The following MCC variants were observed in gnomAD, a reference collection of about 807,000 sequenced individuals.
MCC encodes colorectal mutant cancer protein.
In MCC, 90 loss-of-function variants were observed where a neutral mutation model predicts 116.2. The observed-to-expected ratio is 0.77, with a 90% CI of 0.65 to 0.92. MCC has a LOEUF of 0.92. MCC is among the 40% of genes least tolerant of loss of function. The pLI is 0.00. For missense variants in MCC, 1,516 were observed against 1,312.2 expected, an observed-to-expected ratio of 1.16 and a Z score of -2.40; for synonymous variants, 578 against 510.5, an observed-to-expected ratio of 1.13 and a Z score of -1.78.
intron 6 of MCC, among the ~76,000 whole-genome samples, chr5:113,119,368 G>A (rs1757598804): frequency 6.6e-6 from 1 of 152,198 alleles, no homozygotes; most frequent in South Asian, 2.1e-4. Flanking sequence ...TGACTCTAGA[G>A]GGGAGGGCGG....
intron 1 of MCC, 91 bp downstream of exon 1, chr5:113,488,154 G>GC: frequency 2.3e-6 from 3 of 1,309,654 alleles, no homozygotes; most frequent in Non-Finnish European, 3.0e-6. Flanking sequence ...GCAACTTGCC[G>GC]CAAGTTGGGG....
In MCC at chr5:113,024,868, CTT is replaced by C. The variant is rs1197039705; in HGVS notation, c.*2432_*2433del. On this transcript the variant is annotated 3_prime_UTR_variant, in exon 19 of 19. Transcript: ENST00000408903. ...ACAAGAAAAGGAAAAACTTTTATAG[CTT>C]TTTTATTATACATATTTATAAAAAA... is the stretch of plus-strand genomic sequence containing the variant. The C allele has an allele frequency of 7.2e-5, 11 of 152,130 alleles. No individual in the cohort carries two copies. Among genetic ancestry groups the C allele is most frequent in the African/African-American group, 2.7e-4 (11 of 41,426 alleles). The allele number at this position is 152,130 out of a possible 1,614,324, so 9.4% of individuals were successfully genotyped here.
chr5:113,037,295 G>A (rs188435141), intron 17 of MCC, among the ~76,000 whole-genome samples: 16 of 152,314 alleles, frequency 1.1e-4, no homozygotes, highest in Admixed American at 3.9e-4. Context: ...ACAGTTGGGT[G>A]GATGGTGTAT....
At chr5:113,199,401 G>C (rs889162494) in intron 3 of MCC, among the ~76,000 whole-genome samples, 3 of 152,090 alleles carry the variant, frequency 2.0e-5, no homozygotes, top group African/African-American at 7.2e-5. Context: ...AAACAATGTG[G>C]GTAGTTTATA....
At chr5:113,153,410 T>G (rs1032358746) in intron 3 of MCC, among the ~76,000 whole-genome samples, 1 of 152,106 alleles carries the variant, frequency 6.6e-6, no homozygotes, top group African/African-American at 2.4e-5. Context: ...GAGTACTTAC[T>G]TCCATCACAG....
intron 8 of MCC, among the ~76,000 whole-genome samples, chr5:113,094,197 A>T (rs149406400): frequency 1.0e-3 from 152 of 152,280 alleles, no homozygotes; most frequent in African/African-American, 3.4e-3. Flanking sequence ...TCAAATTTAC[A>T]TGGTGTTTCA....
At chr5:113,228,380 G>C (rs560087321) in intron 3 of MCC, among the ~76,000 whole-genome samples, 21 of 152,288 alleles carry the variant, frequency 1.4e-4, no homozygotes, top group South Asian at 6.2e-4. Context: ...TCAGGCAGTG[G>C]AGGGAGTGGT....
intron 11 of MCC, among the ~76,000 whole-genome samples, chr5:113,075,553 G>C (rs1395354688): frequency 4.6e-5 from 7 of 152,192 alleles, no homozygotes; most frequent in African/African-American, 1.2e-4. Flanking sequence ...GATTGTAATT[G>C]CACCAATCAG....
At chr5:113,061,156 G>T (rs1018554207) in intron 14 of MCC, among the ~76,000 whole-genome samples, 1 of 152,220 alleles carries the variant, frequency 6.6e-6, no homozygotes, top group Non-Finnish European at 1.5e-5. Context: ...GGCCACACAG[G>T]CAGCACCCTG....
intron 16 of MCC, among the ~76,000 whole-genome samples, chr5:113,044,905 C>T (rs1339495571): frequency 2.6e-5 from 4 of 152,190 alleles, no homozygotes. Flanking sequence ...ATATGAGCTA[C>T]AGAGAGGCAC....
Position 113,068,165 on chromosome 5 carries a change from G to C in MCC, c.1944C>G (p.Ala648=). 6.2e-7 allele frequency: 1 copy of C among 1,614,086 alleles called. No individual in the cohort carries two copies. The highest frequency in any genetic ancestry group is 1.3e-5 in the African/African-American group (1 of 75,028). Residue 648 remains alanine, a synonymous_variant, in exon 13 of 19, where the codon GCC becomes GCG. Transcript: ENST00000408903. Reference sequence around the variant, plus strand: ...CTGCCAGCGCCAGGAGGAGTTCGTAGGCTTCGATGCACTGCTCGCTGAAAC... The same window carrying C: ...CTGCCAGCGCCAGGAGGAGTTCGTACGCTTCGATGCACTGCTCGCTGAAAC... ...ALQYSEQCIE[A]YELLLALAES...
chr5:113,202,067 CCTT>C (rs1433522434), intron 3 of MCC, among the ~76,000 whole-genome samples: 2 of 152,172 alleles, frequency 1.3e-5, no homozygotes, highest in East Asian at 3.8e-4. Context: ...AGGCTTTCCT[CCTT>C]CCCTGAACCT....
intron 3 of MCC, among the ~76,000 whole-genome samples, chr5:113,259,540 C>T (rs983506196): frequency 2.6e-5 from 4 of 152,086 alleles, no homozygotes; most frequent in Non-Finnish European, 5.9e-5. Flanking sequence ...AAGTATTTTG[C>T]TCTTAATGTG....
At chr5:113,327,129 G>A (rs1436286080) in intron 3 of MCC, among the ~76,000 whole-genome samples, 3 of 152,058 alleles carry the variant, frequency 2.0e-5, no homozygotes, top group Admixed American at 6.6e-5. Flanking sequence ...GTGAAGGTAC[G>A]GAGAAAAGCT....
At chr5:113,058,016 G>A (rs1460061997) in intron 14 of MCC, among the ~76,000 whole-genome samples, 1 of 152,068 alleles carries the variant, frequency 6.6e-6, no homozygotes, top group African/African-American at 2.4e-5. Flanking sequence ...ACAGGGTGTG[G>A]GGTTTACTTA....
At chr5:113,063,303 T>C (rs1753350348) in intron 14 of MCC, among the ~76,000 whole-genome samples, 1 of 152,190 alleles carries the variant, frequency 6.6e-6, no homozygotes, top group Non-Finnish European at 1.5e-5. Context: ...TCCACTCCCA[T>C]CCAAAGAATG....
In MCC at chr5:113,367,671, A is replaced by G. The variant is rs192163422; in HGVS notation, c.415+17297T>C. Among the ~76,000 whole-genome samples, 36 of 149,776 alleles carry G rather than the reference A, an allele frequency of 2.4e-4. No individual in the cohort carries two copies. In the East Asian group the frequency reaches 5.9e-3, roughly 25 times the overall value. On this transcript the variant is annotated intron_variant, in intron 2 of 18. Coordinates refer to ENST00000408903, the MANE Select transcript of MCC (RefSeq NM_001085377.2). ...GAGAGAAAGAGAGAGAGAGAGAGCG[A>G]GAGAGAGAATCCCCTGACTGACTCT...
chr5:113,296,915 CA>C (rs1297167591), intron 3 of MCC, among the ~76,000 whole-genome samples: 2 of 152,024 alleles, frequency 1.3e-5, no homozygotes, highest in Non-Finnish European at 2.9e-5. Context: ...GGTGTTCAAC[CA>C]AAAGAAAAGT....
At position 113,488,386 on chromosome 5, in the gene MCC, G is replaced by C; in HGVS notation, c.29C>G (p.Ala10Gly). Residue 10 changes from alanine (A) to glycine (G), a missense_variant, in exon 1 of 19, where the codon GCG becomes GGG. Coordinates refer to ENST00000408903, the MANE Select transcript of MCC (RefSeq NM_001085377.2). MMAAAAAAA[A>G]GSSSSGGGGG... is the part of the protein sequence containing the mutation. ...GCCGCCGCCGCTGCTGGAGCTCCCCGCAGCCGCTGCCGCCGCGGCCGCCAT... is the reference window on the plus strand; with the variant it reads ...GCCGCCGCCGCTGCTGGAGCTCCCCCCAGCCGCTGCCGCCGCGGCCGCCAT... 7.0e-7 allele frequency: 1 copy of C among 1,420,932 alleles called. No homozygotes were observed. 88.0% of individuals were successfully genotyped at this position (1,420,932 alleles called of 1,614,324 possible).
Sources: allele counts gnomAD v4.1 joint callset (sites outside exome capture counted in the v4.1 genomes callset), GRCh38; gene constraint gnomAD v4.1.1; transcripts MANE v1.5; gene names NCBI Gene and HGNC (gene_info 2026-07-23, HGNC 2026-07-21).